The following USP6NL variants were observed in gnomAD, a reference collection of about 807,000 sequenced individuals.
The protein encoded by USP6NL is USP6 N-terminal like.
USP6NL carries 26 observed loss-of-function variants against 61.9 expected under a neutral mutation model. That is an observed-to-expected ratio of 0.42 (90% CI 0.31 to 0.58). The LOEUF is 0.58. Ranked by LOEUF, USP6NL falls within the 20% of genes least tolerant of loss-of-function variation. The pLI is 0.16. For synonymous variants in USP6NL, 432 were observed against 390.1 expected (o/e 1.11, Z -1.27); for missense variants, 1,114 against 1,034.3 (o/e 1.08, Z -1.06).
At chr10:11,507,395 G>T (rs1298965696) in intron 6 of USP6NL, among the ~76,000 whole-genome samples, 1 of 152,178 alleles carries the variant, frequency 6.6e-6, no homozygotes, top group East Asian at 1.9e-4. Context: ...ATTCTACTTT[G>T]AAGTGTGTCC....
Position 11,532,298 on chromosome 10 carries a change from G to T in USP6NL, c.5-4731C>A. On this transcript the variant is annotated intron_variant, in intron 2 of 14. Coordinates refer to ENST00000609104, the MANE Select transcript of USP6NL (RefSeq NM_014688.5). This position sits in a 1 kb window ranked among gnomAD's most constrained non-coding sequence, Gnocchi z 4.1. ...AGTTCTCGAACACACCAAGAGTGCT[G>T]CCCGGCGGTACCTCACACATTCTGC... The T allele has an allele frequency of 7.2e-7, 1 of 1,393,048 alleles. No homozygotes were observed. The highest frequency in any genetic ancestry group is 9.7e-7 in the Non-Finnish European group (1 of 1,026,610). The allele number at this position is 1,393,048 out of a possible 1,614,324, so 86.3% of individuals were successfully genotyped here.
intron 5 of USP6NL, 22 bp from the exon 6 acceptor site, chr10:11,509,697 T>C (rs1316711860): frequency 4.6e-6 from 7 of 1,523,566 alleles, no homozygotes; most frequent in Middle Eastern, 1.7e-4. Flanking sequence ...TTGAAATTCA[T>C]TGTTATTGTT....
At chr10:11,573,808 T>A (rs1837444917) in intron 2 of USP6NL, 2 of 395,348 alleles carry the variant, frequency 5.1e-6, no homozygotes, top group Non-Finnish European at 8.9e-6. Flanking sequence ...AATGAATGCT[T>A]TGCCTAGCTA....
chr10:11,498,400 G>A (rs1483886278), intron 7 of USP6NL, among the ~76,000 whole-genome samples: 2 of 151,210 alleles, frequency 1.3e-5, no homozygotes, highest in Non-Finnish European at 2.9e-5. Context: ...AAATAAAAAT[G>A]AGATAACAGA....
rs759519481 is a variant in USP6NL at position 11,463,042 on chromosome 10, G to C, written c.1886C>G (p.Pro629Arg). The C allele has an allele frequency of 6.2e-7, 1 of 1,613,914 alleles. No homozygotes were observed. The change falls in exon 15 of 15, where the codon CCC becomes CGC. Residue 629 changes from proline (P) to arginine (R), a missense_variant. By Grantham distance (103) the Pro-to-Arg change is moderately radical (BLOSUM62 -2). Coordinates refer to ENST00000609104, the MANE Select transcript of USP6NL (RefSeq NM_014688.5). This position sits in a 1 kb window ranked among gnomAD's most constrained non-coding sequence, Gnocchi z 6.3. ...AACGGGGGGATTGCTGTAGGAGGGG[G>C]GATGAGCTAGCCCTCGGGCTTCCCC... is the stretch of plus-strand genomic sequence containing the variant. ...LDGEARGLAH[P>R]PSYSNPPVYH...
chr10:11,512,086 C>CAAATGTGAACTTAA (rs1359104482), intron 5 of USP6NL, among the ~76,000 whole-genome samples: 1 of 152,128 alleles, frequency 6.6e-6, no homozygotes, highest in Non-Finnish European at 1.5e-5. Flanking sequence ...TCATATGTGA[C>CAAATGTGAACTTAA]AAATGTGAAC....
intron 4 of USP6NL, among the ~76,000 whole-genome samples, chr10:11,521,184 T>C (rs1001449610): frequency 2.6e-5 from 4 of 151,946 alleles, no homozygotes; most frequent in Admixed American, 2.6e-4. Flanking sequence ...ATAAGTTGAC[T>C]ATATTGACTA....
chr10:11,595,177 A>G lies in USP6NL; in HGVS notation c.4+2454T>C, dbSNP rs565647559. On this transcript the variant is annotated intron_variant, in intron 2 of 14. Coordinates refer to ENST00000609104, the MANE Select transcript of USP6NL (RefSeq NM_014688.5). The surrounding 1 kb of genome is among the most constrained non-coding windows in gnomAD (Gnocchi z 5.3). ...GAAATAACAGGTGAAAGAGAAGCAC[A>G]AGTCACTAAAATGGCACAGCTATGC... Among the ~76,000 whole-genome samples, 1 of 152,350 alleles carries G rather than the reference A, an allele frequency of 6.6e-6. No homozygotes were observed. The highest frequency in any genetic ancestry group is 1.9e-4 in the East Asian group (1 of 5,192).
chr10:11,473,946 G>A (rs920212693), intron 14 of USP6NL, among the ~76,000 whole-genome samples: 1 of 152,140 alleles, frequency 6.6e-6, no homozygotes, highest in Non-Finnish European at 1.5e-5. Flanking sequence ...GGTGGTGGGC[G>A]ACGAGGGTCT....
chr10:11,463,900 C>T lies in USP6NL; in HGVS notation c.1079-51G>A, dbSNP rs1832317589. 2.1e-6 allele frequency: 3 copies of T among 1,435,026 alleles called. No homozygotes were observed. The highest frequency in any genetic ancestry group is 2.8e-6 in the Non-Finnish European group (3 of 1,084,712). 88.9% of individuals were successfully genotyped at this position (1,435,026 alleles called of 1,614,324 possible). On this transcript the variant is annotated intron_variant, in intron 14 of 14. Transcript: ENST00000609104. This position sits in a 1 kb window ranked among gnomAD's most constrained non-coding sequence, Gnocchi z 6.3. ...AAGATAATACACGAGTAAACAGTAG[C>T]CAGTTGAAGCAATCCATTAGTAACA...
intron 2 of USP6NL, among the ~76,000 whole-genome samples, chr10:11,558,303 T>C (rs1471886343): frequency 1.3e-5 from 2 of 152,182 alleles, no homozygotes; most frequent in Non-Finnish European, 2.9e-5. Flanking sequence ...CATCTCAGGA[T>C]CATCATTCCA....
chr10:11,528,182 G>A lies in USP6NL; in HGVS notation c.5-615C>T, dbSNP rs910445352. On this transcript the variant is annotated intron_variant, in intron 2 of 14. Coordinates refer to ENST00000609104, the MANE Select transcript of USP6NL (RefSeq NM_014688.5). This position sits in a 1 kb window ranked among gnomAD's most constrained non-coding sequence, Gnocchi z 4.6. ...ACACCCTTCATCCTTATTAACATTA[G>A]GAGACTTTCAAAAACATAAATCTGA... Among the ~76,000 whole-genome samples, 2 of 149,358 alleles carry A rather than the reference G, an allele frequency of 1.3e-5. No homozygotes were observed. The highest frequency in any genetic ancestry group is 2.5e-5 in the African/African-American group (1 of 40,488).
At chr10:11,569,514 A>G (rs1454591526) in intron 2 of USP6NL, among the ~76,000 whole-genome samples, 1 of 152,242 alleles carries the variant, frequency 6.6e-6, no homozygotes, top group Non-Finnish European at 1.5e-5. Flanking sequence ...CTAAGAGAAT[A>G]TAAAGAAAGA....
Position 11,586,631 on chromosome 10 carries a change from T to C in USP6NL, c.4+11000A>G, listed in dbSNP as rs114165193. 3.4e-3 allele frequency among the ~76,000 whole-genome samples: 520 copies of C among 152,260 alleles called. 2 individuals carry two copies. Among genetic ancestry groups the C allele is most frequent in the African/African-American group, 0.012 (505 of 41,558 alleles). On this transcript the variant is annotated intron_variant, in intron 2 of 14. Transcript: ENST00000609104. ...AGAAATGTAAATGGCTTCTTTAACATAGTGAGGTTACCAGTAATATTTTTC... is the reference window on the plus strand; with the variant it reads ...AGAAATGTAAATGGCTTCTTTAACACAGTGAGGTTACCAGTAATATTTTTC...
rs1299162409 is a variant in USP6NL at position 11,468,919 on chromosome 10, TGTC to T, written c.1079-5073_1079-5071del. On this transcript the variant is annotated intron_variant, in intron 14 of 14. Transcript: ENST00000609104. This position sits in a 1 kb window ranked among gnomAD's most constrained non-coding sequence, Gnocchi z 4.5. ...GCACAAAACAAAATGCAAAGGTATGTGTCATACATACGTAGGAGATTTAATTTT... is the reference window on the plus strand; with the variant it reads ...GCACAAAACAAAATGCAAAGGTATGTATACATACGTAGGAGATTTAATTTT... Among the ~76,000 whole-genome samples the T allele has an allele frequency of 6.6e-6, 1 of 152,238 alleles. No homozygotes were observed. The highest frequency in any genetic ancestry group is 1.5e-5 in the Non-Finnish European group (1 of 68,046).
At chr10:11,541,273 A>ATATATATATATATATATG (rs1555169599) in intron 2 of USP6NL, among the ~76,000 whole-genome samples, 1 of 113,562 alleles carries the variant, frequency 8.8e-6, no homozygotes, top group Non-Finnish European at 1.8e-5. Flanking sequence ...ATATATATAT[A>ATATATATATATATATATG]TATGTATGTC....
At chr10:11,566,315 C>T (rs1050708183) in intron 2 of USP6NL, among the ~76,000 whole-genome samples, 5 of 152,044 alleles carry the variant, frequency 3.3e-5, no homozygotes, top group African/African-American at 1.2e-4. Flanking sequence ...TAAAAGATAC[C>T]GAAAGGACAA....
In USP6NL at chr10:11,495,556, T is replaced by C. The variant is rs2133283723; in HGVS notation, c.385-2328A>G. ...TTTTACATCTCTTTGCTTTTATAAC[T>C]GACATTCTGGGAATTTCTTCAATTG... is the stretch of plus-strand genomic sequence containing the variant. On this transcript the variant is annotated intron_variant, in intron 7 of 14. Coordinates refer to ENST00000609104, the MANE Select transcript of USP6NL (RefSeq NM_014688.5). The surrounding 1 kb of genome is among the most constrained non-coding windows in gnomAD (Gnocchi z 4.6). 6.6e-6 allele frequency among the ~76,000 whole-genome samples: 1 copy of C among 152,306 alleles called. No individual in the cohort carries two copies. Among genetic ancestry groups the C allele is most frequent in the South Asian group, 2.1e-4 (1 of 4,826 alleles).
intron 1 of USP6NL, among the ~76,000 whole-genome samples, chr10:11,609,742 C>T (rs1838821903): frequency 2.0e-5 from 3 of 152,216 alleles, no homozygotes; most frequent in Admixed American, 1.3e-4. Flanking sequence ...CCTTGCTTGG[C>T]ATTGGAGACT....
Sources: gnomAD v4.1 joint callset for allele counts (sites outside exome capture counted in the v4.1 genomes callset) on GRCh38, gnomAD v4.1.1 for gene constraint, Gnocchi (gnomAD v3.1) non-coding constraint, MANE v1.5 for transcripts, NCBI Gene and HGNC (gene_info 2026-07-23, HGNC 2026-07-21) for gene names.